MPLKIP: variants seen among roughly 807,000 people sequenced by gnomAD.
MPLKIP encodes the protein M-phase specific PLK1 interacting protein.
MPLKIP carries 16 observed loss-of-function variants against 16.9 expected under a neutral mutation model. The observed-to-expected ratio is 0.94, with a 90% confidence interval of 0.64 to 1.43. MPLKIP has a LOEUF of 1.43. Among genes scored for constraint, MPLKIP ranks in the 40% most tolerant of loss-of-function variants. MPLKIP has a pLI of 0.00. For missense variants in MPLKIP, 282 were observed against 237.6 expected, an observed-to-expected ratio of 1.19 and a Z score of -1.23; for synonymous variants, 126 against 98.4, an observed-to-expected ratio of 1.28 and a Z score of -1.66.
chr7:40,133,019 GT>G lies in MPLKIP; in HGVS notation c.*39del. 1 of 1,569,762 alleles carries G rather than the reference GT, an allele frequency of 6.4e-7. No homozygotes were observed. The highest frequency in any genetic ancestry group is 8.8e-7 in the Non-Finnish European group (1 of 1,141,498). ...CACAACTTAAAGTTTTGTCCAAGAT[GT>G]TCCTGACACATGAAGCTTCCAGTTG... On this transcript the variant is annotated 3_prime_UTR_variant, in exon 2 of 2. Transcript: ENST00000306984.
rs1405224011 is a variant in MPLKIP, at chr7:40,134,346, C to G, written c.222G>C (p.Pro74=). The G allele has an allele frequency of 1.3e-6, 2 of 1,552,926 alleles. No individual in the cohort carries two copies. The highest frequency in any genetic ancestry group is 1.7e-6 in the Non-Finnish European group (2 of 1,149,054). ...GGGACGGAGACCCGAACCGGCCCCCCGGGAAGCTGCCGCCGTGTCGCGGAG... is the reference window on the plus strand; with the variant it reads ...GGGACGGAGACCCGAACCGGCCCCCGGGGAAGCTGCCGCCGTGTCGCGGAG... ...SHSPRHGGSF[P]GGRFGSPSPG... The change falls in exon 1 of 2, where the codon CCG becomes CCC. Residue 74 remains proline, a synonymous_variant. Transcript: ENST00000306984.
At position 40,134,430 on chromosome 7, in the gene MPLKIP, C is replaced by G. The variant is rs927023495; in HGVS notation, c.138G>C (p.Gly46=). 4 of 1,566,062 alleles carry G rather than the reference C, an allele frequency of 2.6e-6. No homozygotes were observed. The highest frequency in any genetic ancestry group is 2.3e-5 in the South Asian group (2 of 85,920). The change falls in exon 1 of 2, where the codon GGG becomes GGC. Residue 46 remains glycine (G), a synonymous_variant. Transcript: ENST00000306984. ...CGTACGGCGGCGTGTGGTGCGGACT[C>G]CCGTACCCGTCTCGAGGGGAGGGCG... ...PRPPSPRDGY[G]SPHHTPPYGP...
chr7:40,130,157 G>A lies in MPLKIP; in HGVS notation c.*2902C>T, dbSNP rs1254343319. ...ACCCTTGTTTGAAGACTCTACTATA[G>A]ACTACACTTCCATCCTTTAAGCATA... On this transcript the variant is annotated 3_prime_UTR_variant, in exon 2 of 2. Coordinates refer to ENST00000306984, the MANE Select transcript of MPLKIP (RefSeq NM_138701.4). The A allele has an allele frequency of 6.6e-6, 1 of 152,082 alleles. No homozygotes were observed. The highest frequency in any genetic ancestry group is 2.4e-5 in the African/African-American group (1 of 41,422). The allele number at this position is 152,082 out of a possible 1,614,324, so 9.4% of individuals were successfully genotyped here. A position where few individuals can be genotyped will look rare whatever the true frequency, so the allele number is the denominator to read the frequency against.
Position 40,132,351 on chromosome 7 carries a change from G to A in MPLKIP, c.*708C>T, listed in dbSNP as rs1479554415. 4 of 152,270 alleles carry A rather than the reference G, an allele frequency of 2.6e-5. No homozygotes were observed. Among genetic ancestry groups the A allele is most frequent in the African/African-American group, 9.7e-5 (4 of 41,450 alleles). The allele number at this position is 152,270 out of a possible 1,614,324, so 9.4% of individuals were successfully genotyped here. ...CAATGGAAGTGATTTGAGGCTGCTGGTAGCTATCTTCTTTGGCCTCAAGAG... is the reference window on the plus strand; with the variant it reads ...CAATGGAAGTGATTTGAGGCTGCTGATAGCTATCTTCTTTGGCCTCAAGAG... On this transcript the variant is annotated 3_prime_UTR_variant, in exon 2 of 2. Coordinates refer to ENST00000306984, the MANE Select transcript of MPLKIP (RefSeq NM_138701.4).
In MPLKIP at chr7:40,129,064, T is replaced by A. The variant is rs1298791749; in HGVS notation, c.*3995A>T. The A allele has an allele frequency of 6.6e-6, 1 of 152,174 alleles. No homozygotes were observed. Among genetic ancestry groups the A allele is most frequent in the South Asian group, 2.1e-4 (1 of 4,828 alleles). 9.4% of individuals were successfully genotyped at this position (152,174 alleles called of 1,614,324 possible). A position where few individuals can be genotyped will look rare whatever the true frequency, so the allele number is the denominator to read the frequency against. Reference sequence around the variant, plus strand: ...AGAGCCTCACCATTTGCTTTTTGCCTAAAAATAAGGTATCTTTTCCTTCAT... The same window carrying A: ...AGAGCCTCACCATTTGCTTTTTGCCAAAAAATAAGGTATCTTTTCCTTCAT... On this transcript the variant is annotated 3_prime_UTR_variant, in exon 2 of 2. Coordinates refer to ENST00000306984, the MANE Select transcript of MPLKIP (RefSeq NM_138701.4).
At position 40,132,863 on chromosome 7, in the gene MPLKIP, C is replaced by T. The variant is rs1359916461; in HGVS notation, c.*196G>A. ...AATCTCTAAAATGTGGTAGGTACTT[C>T]CAGAGCTAAATGTTGCAAGTTATCC... On this transcript the variant is annotated 3_prime_UTR_variant, in exon 2 of 2. Transcript: ENST00000306984. 3.3e-6 allele frequency: 2 copies of T among 601,946 alleles called. No individual in the cohort carries two copies. The highest frequency in any genetic ancestry group is 5.9e-6 in the Non-Finnish European group (2 of 339,518). The allele number at this position is 601,946 out of a possible 1,614,324, so 37.3% of individuals were successfully genotyped here.
chr7:40,129,850 T>G lies in MPLKIP; in HGVS notation c.*3209A>C, dbSNP rs981719215. The G allele has an allele frequency of 7.9e-5, 12 of 151,544 alleles. No individual in the cohort carries two copies. The highest frequency in any genetic ancestry group is 4.6e-4 in the Admixed American group (7 of 15,206). The allele number at this position is 151,544 out of a possible 1,614,324, so 9.4% of individuals were successfully genotyped here. A position where few individuals can be genotyped will look rare whatever the true frequency, so the allele number is the denominator to read the frequency against. ...ACGTAACTCCACATCTTGATAAGGG[T>G]AGTGGCAAGGTTCGAGAAGGGTATG... On this transcript the variant is annotated 3_prime_UTR_variant, in exon 2 of 2. Transcript: ENST00000306984.
intron 1 of MPLKIP, 66 bp from the exon 2 acceptor site, chr7:40,133,325 A>T (rs1787500063): frequency 5.7e-6 from 8 of 1,411,296 alleles, no homozygotes; most frequent in Non-Finnish European, 8.0e-6. Flanking sequence ...CCTTTAGCTA[A>T]AGGTTAGCGG....
At position 40,127,027 on chromosome 7, in the gene MPLKIP, G is replaced by A. The variant is rs1787401653; in HGVS notation, c.*6032C>T. ...GGGTTTCACTGTGTTAGCCAGGATG[G>A]GTTAAAGCCAATTTTCAAATGTATT... On this transcript the variant is annotated 3_prime_UTR_variant, in exon 2 of 2. Transcript: ENST00000306984. 6.6e-6 allele frequency: 1 copy of A among 151,744 alleles called. No homozygotes were observed. 9.4% of individuals were successfully genotyped at this position (151,744 alleles called of 1,614,324 possible). A position where few individuals can be genotyped will look rare whatever the true frequency, so the allele number is the denominator to read the frequency against.
At position 40,132,566 on chromosome 7, in the gene MPLKIP, G is replaced by T; in HGVS notation, c.*493C>A. The T allele has an allele frequency of 5.3e-6, 1 of 188,114 alleles. No individual in the cohort carries two copies. Among genetic ancestry groups the T allele is most frequent in the South Asian group, 9.8e-5 (1 of 10,186 alleles). 11.7% of individuals were successfully genotyped at this position (188,114 alleles called of 1,614,324 possible). A position where few individuals can be genotyped will look rare whatever the true frequency, so the allele number is the denominator to read the frequency against. ...ATAAAATGAGTATGAACAGAACTCT[G>T]TTATTCTCATCCTCATTATTTACGA... On this transcript the variant is annotated 3_prime_UTR_variant, in exon 2 of 2. Coordinates refer to ENST00000306984, the MANE Select transcript of MPLKIP (RefSeq NM_138701.4).
At position 40,132,810 on chromosome 7, in the gene MPLKIP, C is replaced by A; in HGVS notation, c.*249G>T. On this transcript the variant is annotated 3_prime_UTR_variant, in exon 2 of 2. Transcript: ENST00000306984. ...AAAAGACAAATGTCCATTATGTAACCAGGAATGTTAAATATATGGAAACGG... is the reference window on the plus strand; with the variant it reads ...AAAAGACAAATGTCCATTATGTAACAAGGAATGTTAAATATATGGAAACGG... The A allele has an allele frequency of 8.0e-6, 4 of 502,408 alleles. No homozygotes were observed. The highest frequency in any genetic ancestry group is 2.2e-5 in the South Asian group (1 of 45,868). 31.1% of individuals were successfully genotyped at this position (502,408 alleles called of 1,614,324 possible). A position where few individuals can be genotyped will look rare whatever the true frequency, so the allele number is the denominator to read the frequency against.
Position 40,126,157 on chromosome 7 carries a change from A to ATATC in MPLKIP, c.*6898_*6901dup, listed in dbSNP as rs1787387167. 1 of 152,182 alleles carries ATATC rather than the reference A, an allele frequency of 6.6e-6. No homozygotes were observed. Among genetic ancestry groups the ATATC allele is most frequent in the Non-Finnish European group, 1.5e-5 (1 of 68,032 alleles). 9.4% of individuals were successfully genotyped at this position (152,182 alleles called of 1,614,324 possible). A position where few individuals can be genotyped will look rare whatever the true frequency, so the allele number is the denominator to read the frequency against. On this transcript the variant is annotated 3_prime_UTR_variant, in exon 2 of 2. Transcript: ENST00000306984. ...CTGAACCCACCCCAAAATAATTACT[A>ATATC]TATCTAAAGCATGTTACCTTCATTT...
At position 40,127,124 on chromosome 7, in the gene MPLKIP, A is replaced by G. The variant is rs899911958; in HGVS notation, c.*5935T>C. The stretch of plus-strand genomic sequence containing the variant: ...TATCTAAGTATATGTTCTGCTTTTA[A>G]GAGTACTATAGGCCAGGAACGGTGG... On this transcript the variant is annotated 3_prime_UTR_variant, in exon 2 of 2. Transcript: ENST00000306984. 2 of 152,144 alleles carry G rather than the reference A, an allele frequency of 1.3e-5. No homozygotes were observed. The highest frequency in any genetic ancestry group is 6.5e-5 in the Admixed American group (1 of 15,268). The allele number at this position is 152,144 out of a possible 1,614,324, so 9.4% of individuals were successfully genotyped here. A position where few individuals can be genotyped will look rare whatever the true frequency, so the allele number is the denominator to read the frequency against.
In MPLKIP at chr7:40,128,233, G is replaced by A. The variant is rs892424915; in HGVS notation, c.*4826C>T. On this transcript the variant is annotated 3_prime_UTR_variant, in exon 2 of 2. Coordinates refer to ENST00000306984, the MANE Select transcript of MPLKIP (RefSeq NM_138701.4). ...ATAACTCACTACCTTCCAACCAGGC[G>A]ATTATGTGTCTTATTTACAGTAAAA... 3 of 152,128 alleles carry A rather than the reference G, an allele frequency of 2.0e-5. No individual in the cohort carries two copies. Among genetic ancestry groups the A allele is most frequent in the Admixed American group, 6.5e-5 (1 of 15,272 alleles). The allele number at this position is 152,128 out of a possible 1,614,324, so 9.4% of individuals were successfully genotyped here. A position where few individuals can be genotyped will look rare whatever the true frequency, so the allele number is the denominator to read the frequency against.
Position 40,134,305 on chromosome 7 carries a change from C to G in MPLKIP, c.263G>C (p.Gly88Ala). The change falls in exon 1 of 2, where the codon GGC (glycine) becomes GCC (alanine). Residue 88 changes from glycine (G) to alanine (A), a missense_variant. Coordinates refer to ENST00000306984, the MANE Select transcript of MPLKIP (RefSeq NM_138701.4). ...FGSPSPGGYP[G>A]SYSRSPAGSQ... ...CCCCGCGGGGGACCTGGAGTAGGAG[C>G]CAGGGTAGCCGCCAGGGGACGGAGA... The G allele has an allele frequency of 6.4e-7, 1 of 1,557,274 alleles. No homozygotes were observed. Among genetic ancestry groups the G allele is most frequent in the Non-Finnish European group, 8.7e-7 (1 of 1,150,722 alleles).
At chr7:40,133,566 T>C (rs1459653350) in intron 1 of MPLKIP, among the ~76,000 whole-genome samples, 1 of 152,230 alleles carries the variant, frequency 6.6e-6, no homozygotes, top group Admixed American at 6.5e-5. Flanking sequence ...AGTAATTATA[T>C]TCAATTTTCC....
rs962291812 is a variant in MPLKIP, at chr7:40,128,314, C to G, written c.*4745G>C. On this transcript the variant is annotated 3_prime_UTR_variant, in exon 2 of 2. Coordinates refer to ENST00000306984, the MANE Select transcript of MPLKIP (RefSeq NM_138701.4). ...AAGTATATGGTAGGAATGAATGATA[C>G]AGAGAAATGGTTGAGTGACAATAGC... 2 of 152,202 alleles carry G rather than the reference C, an allele frequency of 1.3e-5. No homozygotes were observed. The highest frequency in any genetic ancestry group is 3.4e-3 in the Middle Eastern group (1 of 294). 9.4% of individuals were successfully genotyped at this position (152,202 alleles called of 1,614,324 possible).
chr7:40,130,819 A>G lies in MPLKIP; in HGVS notation c.*2240T>C, dbSNP rs1246994841. The G allele has an allele frequency of 6.6e-6, 1 of 152,238 alleles. No individual in the cohort carries two copies. The highest frequency in any genetic ancestry group is 1.5e-5 in the Non-Finnish European group (1 of 68,036). 9.4% of individuals were successfully genotyped at this position (152,238 alleles called of 1,614,324 possible). A position where few individuals can be genotyped will look rare whatever the true frequency, so the allele number is the denominator to read the frequency against. On this transcript the variant is annotated 3_prime_UTR_variant, in exon 2 of 2. Transcript: ENST00000306984. The stretch of plus-strand genomic sequence containing the variant: ...TTGGGAATAAGGACTTTTTCTTTAA[A>G]ATACTGGGGAAAAATTACTAAGTTA...
Position 40,134,391 on chromosome 7 carries a change from C to G in MPLKIP, c.177G>C (p.Arg59Ser). The G allele has an allele frequency of 5.8e-6, 9 of 1,560,900 alleles. No homozygotes were observed. The highest frequency in any genetic ancestry group is 7.8e-6 in the Non-Finnish European group (9 of 1,154,098). ...HHTPPYGPRS[R>S]PYGSSHSPRH... The stretch of plus-strand genomic sequence containing the variant: ...GCGGAGAGTGACTGCTCCCGTACGG[C>G]CTAGACCGGGGCCCGTACGGCGGCG... The change falls in exon 1 of 2, where the codon AGG becomes AGC. Residue 59 changes from arginine (R) to serine (S), a missense_variant. Transcript: ENST00000306984.
Sources: gnomAD v4.1 joint callset for allele counts (sites outside exome capture counted in the v4.1 genomes callset) on GRCh38, gnomAD v4.1.1 for gene constraint, MANE v1.5 for transcripts, NCBI Gene and HGNC (gene_info 2026-07-23, HGNC 2026-07-21) for gene names.